The following NFIX variants were observed in gnomAD, a reference collection of about 807,000 sequenced individuals.
The protein encoded by NFIX is nuclear factor I X.
NFIX carries 2 observed loss-of-function variants against 53.3 expected under a neutral mutation model. The observed-to-expected ratio is 0.04, with a 90% CI of 0.02 to 0.12. The LOEUF is 0.12. NFIX is among the 10% of genes least tolerant of loss of function. NFIX has a pLI of 1.00. For missense variants in NFIX, 310 were observed against 674.5 expected, an observed-to-expected ratio of 0.46 and a Z score of 5.99; for synonymous variants, 244 against 289.0, an observed-to-expected ratio of 0.84 and a Z score of 1.58.
chr19:13,067,483 CGTGTGTGTGT>C lies in NFIX; in HGVS notation c.560-5551_560-5542del, dbSNP rs3982404. Among the ~76,000 whole-genome samples the C allele has an allele frequency of 1.4e-5, 2 of 147,324 alleles. No homozygotes were observed. The highest frequency in any genetic ancestry group is 2.5e-5 in the African/African-American group (1 of 40,232). ...GCGCGCGTGTGTGTGTGTGTGTGTGCGTGTGTGTGTGTGTGTGTGTGTATGTGTGTGTCTG... is the reference window on the plus strand; with the variant it reads ...GCGCGCGTGTGTGTGTGTGTGTGTGCGTGTGTGTGTGTATGTGTGTGTCTG... On this transcript the variant is annotated intron_variant, in intron 2 of 10. Transcript: ENST00000592199. The surrounding 1 kb of genome is among the most constrained non-coding windows in gnomAD (Gnocchi z 4.2).
At chr19:12,995,890 C>A (rs1297527237) in intron 1 of NFIX, 26 bp downstream of exon 1, 3 of 970,554 alleles carry the variant, frequency 3.1e-6, no homozygotes, top group South Asian at 4.6e-5. Context: ...CCCGCGCGAC[C>A]GGGGGAGGGG....
At chr19:13,063,541 C>G (rs1486525704) in intron 2 of NFIX, among the ~76,000 whole-genome samples, 1 of 151,630 alleles carries the variant, frequency 6.6e-6, no homozygotes. Flanking sequence ...TGTTTTTGTC[C>G]CCTTTCCCTG....
Position 13,090,463 on chromosome 19 carries a change from AG to A in NFIX, c.1494+76del, listed in dbSNP as rs2145516430. The A allele has an allele frequency of 7.1e-7, 1 of 1,413,076 alleles. No homozygotes were observed. Among genetic ancestry groups the A allele is most frequent in the East Asian group, 2.3e-5 (1 of 43,754 alleles). The allele number at this position is 1,413,076 out of a possible 1,614,324, so 87.5% of individuals were successfully genotyped here. The stretch of plus-strand genomic sequence containing the variant: ...CAGGGTTGGGGGGCATCTTGGTGTT[AG>A]GGAAGAGCCTGGAGTCCTTGGGGCT... On this transcript the variant is annotated intron_variant, in intron 10 of 10. Transcript: ENST00000592199. The surrounding 1 kb of genome is among the most constrained non-coding windows in gnomAD (Gnocchi z 6.6).
chr19:13,070,295 G>C (rs2016695293), intron 2 of NFIX: 1 of 152,496 alleles, frequency 6.6e-6, no homozygotes, highest in East Asian at 1.9e-4. Flanking sequence ...GTGTCCCGAG[G>C]TGCCTGCGGC....
chr19:13,041,162 C>G (rs933431239), intron 2 of NFIX, among the ~76,000 whole-genome samples: 4 of 152,194 alleles, frequency 2.6e-5, no homozygotes, highest in Non-Finnish European at 1.5e-5. Context: ...CATGAAAGTT[C>G]AGGAGGCCAA....
intron 2 of NFIX, chr19:13,070,623 T>G (rs1158169909): frequency 6.6e-6 from 1 of 152,392 alleles, no homozygotes; most frequent in Non-Finnish European, 1.5e-5. Context: ...CGCGGCATTG[T>G]GGGCCTCCGG....
At position 13,025,125 on chromosome 19, in the gene NFIX, T is replaced by C; in HGVS notation, c.132T>C (p.His44=). The C allele has an allele frequency of 6.2e-7, 1 of 1,614,116 alleles. No homozygotes were observed. Among genetic ancestry groups the C allele is most frequent in the Non-Finnish European group, 8.5e-7 (1 of 1,180,030 alleles). ...QARKRKYFKK[H]EKRMSKDEER... is the part of the protein sequence containing the mutation. The stretch of plus-strand genomic sequence containing the variant: ...GGAAGCGCAAGTACTTCAAGAAGCA[T>C]GAAAAGCGGATGTCGAAGGACGAGG... The change falls in exon 2 of 11, where the codon CAT becomes CAC. Residue 44 remains histidine, a synonymous_variant. Transcript: ENST00000592199. This position sits in a 1 kb window ranked among gnomAD's most constrained non-coding sequence, Gnocchi z 7.5.
intron 2 of NFIX, among the ~76,000 whole-genome samples, chr19:13,053,032 A>G (rs2015424519): frequency 6.6e-6 from 1 of 152,218 alleles, no homozygotes; most frequent in Non-Finnish European, 1.5e-5. Context: ...GTGGCCCCAC[A>G]GCCACAGGCT....
intron 1 of NFIX, among the ~76,000 whole-genome samples, chr19:13,017,250 C>T (rs773833854): frequency 9.2e-5 from 14 of 152,136 alleles, no homozygotes; most frequent in Non-Finnish European, 1.0e-4. Context: ...AAAGCACCCC[C>T]GGTGTCATTC....
chr19:12,996,426 G>A lies in NFIX; in HGVS notation c.27+562G>A, dbSNP rs1384637450. On this transcript the variant is annotated intron_variant, in intron 1 of 10. Transcript: ENST00000592199. This position sits in a 1 kb window ranked among gnomAD's most constrained non-coding sequence, Gnocchi z 5.2. Reference sequence around the variant, plus strand: ...GCGGCCGGGGTGCCTGGGGTGGGCCGAGCGGCCCGGGCGTCTCCCCAAAGT... The same window carrying A: ...GCGGCCGGGGTGCCTGGGGTGGGCCAAGCGGCCCGGGCGTCTCCCCAAAGT... 6.6e-6 allele frequency among the ~76,000 whole-genome samples: 1 copy of A among 151,874 alleles called. No individual in the cohort carries two copies. Among genetic ancestry groups the A allele is most frequent in the Admixed American group, 6.5e-5 (1 of 15,276 alleles).
At chr19:13,056,990 C>T (rs1236225318) in intron 2 of NFIX, among the ~76,000 whole-genome samples, 1 of 152,210 alleles carries the variant, frequency 6.6e-6, no homozygotes, top group African/African-American at 2.4e-5. Context: ...CTGCTGCATC[C>T]CTCAGAGACT....
Position 13,076,600 on chromosome 19 carries a change from T to TTG in NFIX, c.955+932_955+933dup, listed in dbSNP as rs3837974. ...GGGAGTGCAGACTCACGCGTGTGGG[T>TTG]TGTGCACAGGGCATGGCTGCTCTGG... On this transcript the variant is annotated intron_variant, in intron 6 of 10. Transcript: ENST00000592199. 2.5e-3 allele frequency among the ~76,000 whole-genome samples: 384 copies of TTG among 152,244 alleles called. 10 individuals carry two copies. The East Asian group carries it at 0.055, about 22-fold the overall frequency.
chr19:13,042,564 G>A (rs1266905916), intron 2 of NFIX, among the ~76,000 whole-genome samples: 2 of 151,848 alleles, frequency 1.3e-5, no homozygotes, highest in African/African-American at 4.8e-5. Flanking sequence ...CGCCATGTTG[G>A]CCAGCCTGGT....
At position 13,081,346 on chromosome 19, in the gene NFIX, A is replaced by G. The variant is rs1374451341; in HGVS notation, c.1079-334A>G. 6.6e-6 allele frequency among the ~76,000 whole-genome samples: 1 copy of G among 152,038 alleles called. No homozygotes were observed. Among genetic ancestry groups the G allele is most frequent in the African/African-American group, 2.4e-5 (1 of 41,374 alleles). On this transcript the variant is annotated intron_variant, in intron 7 of 10. Coordinates refer to ENST00000592199, the MANE Select transcript of NFIX (RefSeq NM_001365902.3). This position sits in a 1 kb window ranked among gnomAD's most constrained non-coding sequence, Gnocchi z 4.7. ...CTTTTTTAAAAAGCCAAATAAAATAAAGACAAGATCCTACCCTGCCTCATC... is the reference window on the plus strand; with the variant it reads ...CTTTTTTAAAAAGCCAAATAAAATAGAGACAAGATCCTACCCTGCCTCATC...
At chr19:13,057,698 G>T (rs1365995765) in intron 2 of NFIX, among the ~76,000 whole-genome samples, 1 of 152,202 alleles carries the variant, frequency 6.6e-6, no homozygotes, top group Non-Finnish European at 1.5e-5. Flanking sequence ...CCAGCATGGG[G>T]CCTAGAGACC....
intron 6 of NFIX, among the ~76,000 whole-genome samples, chr19:13,077,150 T>C (rs926524434): frequency 6.6e-6 from 1 of 152,108 alleles, no homozygotes. Context: ...CATAGAGGAC[T>C]GTGTCTGCAG....
chr19:13,015,790 T>TCACA (rs5827172), intron 1 of NFIX, among the ~76,000 whole-genome samples: 109 of 132,158 alleles, frequency 8.2e-4, no homozygotes, highest in Middle Eastern at 3.8e-3. Context: ...CATAGAGAGA[T>TCACA]CACACACACA....
Position 13,054,735 on chromosome 19 carries a change from G to A in NFIX, c.560-18312G>A, listed in dbSNP as rs146234761. Among the ~76,000 whole-genome samples, 152 of 152,272 alleles carry A rather than the reference G, an allele frequency of 1.0e-3. 1 individual carries two copies. Among genetic ancestry groups the A allele is most frequent in the Middle Eastern group, 6.8e-3 (2 of 294 alleles). On this transcript the variant is annotated intron_variant, in intron 2 of 10. Coordinates refer to ENST00000592199, the MANE Select transcript of NFIX (RefSeq NM_001365902.3). ...CCTCCCTGGGTTAGGCATACAGGGT[G>A]GTTGGTGCCTAGAGCCCTGAAAATA...
At chr19:13,083,123 C>G (rs1391938282) in intron 8 of NFIX, among the ~76,000 whole-genome samples, 1 of 152,210 alleles carries the variant, frequency 6.6e-6, no homozygotes, top group Non-Finnish European at 1.5e-5. Flanking sequence ...CCTTAGCATA[C>G]TGGTAGCTTC....
Sources: allele counts gnomAD v4.1 joint callset (sites outside exome capture counted in the v4.1 genomes callset), GRCh38; gene constraint gnomAD v4.1.1; non-coding constraint Gnocchi (gnomAD v3.1); transcripts MANE v1.5; gene names NCBI Gene and HGNC (gene_info 2026-07-23, HGNC 2026-07-21).